The following FHDC1 variants were observed in gnomAD, a reference collection of about 807,000 sequenced individuals.
The protein encoded by FHDC1 is FH2 domain containing 1.
A neutral mutation model predicts 52.6 loss-of-function variants in FHDC1; 25 were observed. The ratio of observed to expected loss-of-function variants is 0.48; its 90% CI spans 0.35 to 0.66. The LOEUF is 0.66. Among genes scored for constraint, FHDC1 ranks in the 30% least tolerant of loss-of-function variants. The pLI, the probability that FHDC1 is intolerant of heterozygous loss-of-function variation, is 0.01. For synonymous variants in FHDC1, 616 were observed against 581.5 expected (o/e 1.06, Z -0.85); for missense variants, 1,459 against 1,452.8 (o/e 1.00, Z -0.07).
chr4:152,950,323 G>A (rs991406037), intron 2 of FHDC1, among the ~76,000 whole-genome samples: 1 of 152,204 alleles, frequency 6.6e-6, no homozygotes, highest in Non-Finnish European at 1.5e-5. Context: ...TGCTTTGGAA[G>A]GATCGAATGC....
Position 152,975,321 on chromosome 4 carries a change from C to G in FHDC1, c.2030C>G (p.Thr677Arg), listed in dbSNP as rs753758788. 8.1e-6 allele frequency: 13 copies of G among 1,613,656 alleles called. No individual in the cohort carries two copies. In the Admixed American group the frequency reaches 1.7e-4, roughly 21 times the overall value. Reference protein sequence around the residue: ...ALGIKEHELVTGLAQFNLQGS... With the variant: ...ALGIKEHELVRGLAQFNLQGS... Reference sequence around the variant, plus strand: ...GGAATTAAGGAGCATGAGCTGGTGACAGGGCTGGCCCAGTTCAACCTCCAG... The same window carrying G: ...GGAATTAAGGAGCATGAGCTGGTGAGAGGGCTGGCCCAGTTCAACCTCCAG... Residue 677 changes from threonine (T) to arginine (R), a missense_variant, in exon 12 of 12, where the codon ACA becomes AGA. Thr to Arg is a moderately conservative substitution (Grantham distance 71). This residue lies in a region of FHDC1 where 939 missense variants were observed against 854.5 expected (regional missense o/e 1.10). Transcript: ENST00000511601.
At chr4:152,916,996 T>A in the FHDC1 span, 1 of 152,396 alleles carries the variant, frequency 6.6e-6, no homozygotes, top group Non-Finnish European at 1.5e-5. Context: ...CTAATTTTTG[T>A]ATTTTTTGTA....
chr4:152,953,485 AT>A lies in FHDC1; in HGVS notation c.499-5del, dbSNP rs755365907. On this transcript the variant is annotated splice_polypyrimidine_tract_variant and intron_variant, in intron 2 of 11. Transcript: ENST00000511601. ...GAATTTAGTAATCCTATGTGTCCTTATTTTTTTTTCCAGATTACTATTTTGG... is the reference window on the plus strand; with the variant it reads ...GAATTTAGTAATCCTATGTGTCCTTATTTTTTTTCCAGATTACTATTTTGG... 67 of 1,569,978 alleles carry A rather than the reference AT, an allele frequency of 4.3e-5. No individual in the cohort carries two copies. The highest frequency in any genetic ancestry group is 4.4e-5 in the Non-Finnish European group (50 of 1,148,962).
At chr4:152,933,980 G>A (rs1263791619), upstream of FHDC1, among the ~76,000 whole-genome samples, 1 of 152,108 alleles carries the variant, frequency 6.6e-6, no homozygotes, top group South Asian at 2.1e-4. Context: ...TTTTGGGATG[G>A]ATTTAGGAAG....
Position 152,975,012 on chromosome 4 carries a change from GCAGCCCCCGGCAGGCC to G in FHDC1, c.1723_1738del (p.Ser575GlyfsTer4). On this transcript the variant is annotated frameshift_variant, in exon 12 of 12. Transcript: ENST00000511601. LOFTEE classifies it low-confidence loss of function (END_TRUNC). The stretch of plus-strand genomic sequence containing the variant: ...AATAAGTTCCACAGCCTGCCCCGGA[GCAGCCCCCGGCAGGCC>G]CGGCCCACGATAGCCTGCCTGGAGC... 1.9e-6 allele frequency: 3 copies of G among 1,612,584 alleles called. No individual in the cohort carries two copies. Among genetic ancestry groups the G allele is most frequent in the Non-Finnish European group, 2.5e-6 (3 of 1,179,824 alleles).
intron 2 of FHDC1, among the ~76,000 whole-genome samples, chr4:152,952,689 A>G (rs1473349065): frequency 6.6e-6 from 1 of 152,184 alleles, no homozygotes; most frequent in Non-Finnish European, 1.5e-5. Context: ...AATTTTATGT[A>G]AGACTTGAGC....
intron 2 of FHDC1, 88 bp downstream of exon 2, chr4:152,943,643 C>A: frequency 7.0e-7 from 1 of 1,431,526 alleles, no homozygotes; most frequent in Non-Finnish European, 9.4e-7. Flanking sequence ...AATTGCTAGA[C>A]ACCCCTAAGA....
At chr4:152,920,334 A>G in the FHDC1 span, among the ~76,000 whole-genome samples, 1 of 152,298 alleles carries the variant, frequency 6.6e-6, no homozygotes, top group Non-Finnish European at 1.5e-5. Context: ...ACACACACAT[A>G]AAATGTGTCT....
intron 4 of FHDC1, among the ~76,000 whole-genome samples, chr4:152,956,555 A>T (rs1487988125): frequency 6.6e-6 from 1 of 152,184 alleles, no homozygotes; most frequent in Non-Finnish European, 1.5e-5. Flanking sequence ...TGGGGGTATA[A>T]TTCAAAAGGA....
chr4:152,935,654 A>G (rs948205120), upstream of FHDC1, among the ~76,000 whole-genome samples: 4 of 152,172 alleles, frequency 2.6e-5, no homozygotes, highest in Non-Finnish European at 1.5e-5. Context: ...AACGGTAACA[A>G]ATTTACAGCT....
chr4:152,952,499 A>C (rs1456094579), intron 2 of FHDC1, among the ~76,000 whole-genome samples: 2 of 152,214 alleles, frequency 1.3e-5, no homozygotes, highest in South Asian at 2.1e-4. Context: ...CATGAATCAA[A>C]AATATTCAGA....
chr4:152,915,120 A>C, the FHDC1 span, among the ~76,000 whole-genome samples: 1 of 152,216 alleles, frequency 6.6e-6, no homozygotes, highest in Non-Finnish European at 1.5e-5. Context: ...TTAGGCAGAT[A>C]ATTATTCTTT....
chr4:152,932,251 T>C (rs1739265727), upstream of FHDC1, among the ~76,000 whole-genome samples: 2 of 151,666 alleles, frequency 1.3e-5, no homozygotes, highest in South Asian at 4.2e-4. Flanking sequence ...ACTAAAAAAA[T>C]CAGAAATAAA....
chr4:152,951,564 T>C (rs77902497), intron 2 of FHDC1, among the ~76,000 whole-genome samples: 527 of 152,240 alleles, frequency 3.5e-3, no homozygotes, highest in African/African-American at 0.012. Flanking sequence ...CTTGTAAAAA[T>C]TTAACCTTAT....
upstream of FHDC1, among the ~76,000 whole-genome samples, chr4:152,933,476 T>A (rs1426331116): frequency 6.6e-6 from 1 of 152,038 alleles, no homozygotes; most frequent in African/African-American, 2.4e-5. Flanking sequence ...GGCTTACATA[T>A]GTAATCCCAG....
At chr4:152,958,428 G>T (rs915627929) in intron 4 of FHDC1, among the ~76,000 whole-genome samples, 1 of 152,114 alleles carries the variant, frequency 6.6e-6, no homozygotes, top group Non-Finnish European at 1.5e-5. Context: ...TCTTGAAATT[G>T]AACAAAGAAC....
In FHDC1 at chr4:152,976,644, C is replaced by T; in HGVS notation, c.3353C>T (p.Ala1118Val). The T allele has an allele frequency of 1.3e-6, 2 of 1,597,776 alleles. No individual in the cohort carries two copies. Among genetic ancestry groups the T allele is most frequent in the Non-Finnish European group, 1.7e-6 (2 of 1,172,032 alleles). Residue 1118 changes from alanine to valine, a missense_variant, in exon 12 of 12, where the codon GCT (alanine) becomes GTT (valine). By Grantham distance (64) the Ala-to-Val change is moderately conservative (BLOSUM62 0). Transcript: ENST00000511601. ...GAGGCCCCTCTGAAGGCCAGAGGGG[C>T]TGGGGAAAGGGCCTCCCTCCGTCGG... ...NTEAPLKARG[A>V]GERASLRRKD... is the part of the protein sequence containing the mutation.
intron 1 of FHDC1, among the ~76,000 whole-genome samples, chr4:152,940,355 C>G (rs1739542797): frequency 6.6e-6 from 1 of 152,180 alleles, no homozygotes; most frequent in Non-Finnish European, 1.5e-5. Flanking sequence ...CTTTTGTTTC[C>G]TTTAACTTTT....
chr4:152,922,688 C>A, the FHDC1 span, among the ~76,000 whole-genome samples: 2 of 152,156 alleles, frequency 1.3e-5, no homozygotes, highest in Non-Finnish European at 2.9e-5. Flanking sequence ...CCCTGGGATG[C>A]AAGGCTGGTT....
Sources: gnomAD v4.1 joint callset for allele counts (sites outside exome capture counted in the v4.1 genomes callset) on GRCh38, gnomAD v4.1.1 for gene constraint, gnomAD v4.1.1 regional missense constraint, MANE v1.5 for transcripts, NCBI Gene and HGNC (gene_info 2026-07-23, HGNC 2026-07-21) for gene names.